Variants in MOK observed in about 807,000 individuals in gnomAD.
The protein encoded by MOK is MAPK/MAK/MRK overlapping kinase.
MOK carries 59 observed loss-of-function variants against 54.2 expected under a neutral mutation model. That is an observed-to-expected ratio of 1.09 (90% confidence interval 0.88 to 1.35). The LOEUF is 1.35. Among genes scored for constraint, MOK ranks in the 40% most tolerant of loss-of-function variants. The probability of loss-of-function intolerance (pLI) is 0.00; values close to 1 mark genes in which losing one functional copy is unlikely to be tolerated. For synonymous variants in MOK, 210 were observed against 202.7 expected (o/e 1.04, Z -0.31); for missense variants, 517 against 526.2 (o/e 0.98, Z 0.17).
chr14:102,214,602 C>T, the MOK span: 6 of 985,250 alleles, frequency 6.1e-6, no homozygotes, highest in Non-Finnish European at 7.2e-6. Flanking sequence ...TTTATCATTT[C>T]TGTATACTTG....
intron 7 of MOK, among the ~76,000 whole-genome samples, chr14:102,237,458 A>G (rs1479744779): frequency 1.3e-5 from 2 of 152,112 alleles, no homozygotes; most frequent in Non-Finnish European, 2.9e-5. Flanking sequence ...CCCTCCTCCA[A>G]AAGCGAAGTT....
rs1210338523 is a variant in MOK, at chr14:102,235,386, T to C, written c.591-1597A>G. The stretch of plus-strand genomic sequence containing the variant: ...TTACTTGGCATGATCTCTATATTAT[T>C]TTGTCTTCTACCCTCCTTCCGGAAG... On this transcript the variant is annotated intron_variant, in intron 7 of 11. Coordinates refer to ENST00000361847, the MANE Select transcript of MOK (RefSeq NM_014226.3). This position sits in a 1 kb window ranked among gnomAD's most constrained non-coding sequence, Gnocchi z 4.4. 1 of 152,260 alleles carries C rather than the reference T, an allele frequency of 6.6e-6. No individual in the cohort carries two copies. The highest frequency in any genetic ancestry group is 6.5e-5 in the Admixed American group (1 of 15,290). 9.4% of individuals were successfully genotyped at this position (152,260 alleles called of 1,614,324 possible). A position where few individuals can be genotyped will look rare whatever the true frequency, so the allele number is the denominator to read the frequency against.
rs946108941 is a variant in MOK, at chr14:102,236,022, G to T, written c.591-2233C>A. ...GCCTTGTTTTAAGTGTGGCAAAGAA[G>T]GCCACTGGGCATGGGTGTATCCTAA... is the stretch of plus-strand genomic sequence containing the variant. On this transcript the variant is annotated intron_variant, in intron 7 of 11. Transcript: ENST00000361847. This position sits in a 1 kb window ranked among gnomAD's most constrained non-coding sequence, Gnocchi z 4.5. 2.0e-5 allele frequency among the ~76,000 whole-genome samples: 3 copies of T among 152,168 alleles called. No individual in the cohort carries two copies. The highest frequency in any genetic ancestry group is 4.4e-5 in the Non-Finnish European group (3 of 68,038).
intron 1 of MOK, among the ~76,000 whole-genome samples, chr14:102,302,320 A>G (rs1597670159): frequency 6.7e-6 from 1 of 150,046 alleles, no homozygotes; most frequent in Non-Finnish European, 1.5e-5. Context: ...TGATCCACCC[A>G]CCTCAGCCTC....
At chr14:102,259,871 T>C (rs1476589378) in intron 4 of MOK, among the ~76,000 whole-genome samples, 1 of 151,842 alleles carries the variant, frequency 6.6e-6, no homozygotes, top group Non-Finnish European at 1.5e-5. Context: ...TGGTGAAACC[T>C]GTCTCTACTA....
intron 2 of MOK, among the ~76,000 whole-genome samples, chr14:102,279,876 C>T (rs376558918): frequency 1.3e-5 from 2 of 151,752 alleles, no homozygotes; most frequent in East Asian, 1.9e-4. Flanking sequence ...AAAAGCCATC[C>T]GTTTCTATTT....
At chr14:102,281,074 T>A (rs370708399) in intron 2 of MOK, among the ~76,000 whole-genome samples, 5 of 151,834 alleles carry the variant, frequency 3.3e-5, no homozygotes, top group African/African-American at 1.2e-4. Flanking sequence ...CTGTAATCCC[T>A]GCACTTTGGG....
rs1206784289 is a variant in MOK at position 102,229,328 on chromosome 14, C to T, written c.1221G>A (p.Gln407=). The change falls in exon 12 of 12, where the codon CAG becomes CAA. Residue 407 remains glutamine (Q), a synonymous_variant. Transcript: ENST00000361847. ...PQKDLKPAPQ[Q]CRLPTIVRKG... ...TCCGCACTATGGTGGGCAGGCGACA[C>T]TGCTGCGGGGCAGGCTTAAGGTCCT... is the stretch of plus-strand genomic sequence containing the variant. The T allele has an allele frequency of 6.2e-7, 1 of 1,613,664 alleles. No homozygotes were observed. Among genetic ancestry groups the T allele is most frequent in the Non-Finnish European group, 8.5e-7 (1 of 1,179,714 alleles).
At chr14:102,297,314 C>T (rs908888637) in intron 1 of MOK, among the ~76,000 whole-genome samples, 12 of 152,124 alleles carry the variant, frequency 7.9e-5, no homozygotes, top group Admixed American at 2.0e-4. Context: ...GCCAAGATTA[C>T]GTCACTGCAC....
At chr14:102,251,839 T>C in intron 5 of MOK, 35 bp from the exon 6 acceptor site, 3 of 1,543,778 alleles carry the variant, frequency 1.9e-6, no homozygotes, top group African/African-American at 2.7e-5. Context: ...AGAATTACAC[T>C]TCATTTATTC....
chr14:102,252,312 G>A (rs796827584), intron 4 of MOK, among the ~76,000 whole-genome samples: 54 of 152,052 alleles, frequency 3.6e-4, no homozygotes, highest in Admixed American at 1.1e-3. Context: ...AAAATTTGCC[G>A]GGTGTGGTGG....
At chr14:102,264,101 C>G (rs1597431521) in intron 3 of MOK, 2 of 153,836 alleles carry the variant, frequency 1.3e-5, no homozygotes, top group South Asian at 4.0e-4. Context: ...GTCCCAGCTG[C>G]TCGGGAGGCT....
intron 7 of MOK, 61 bp downstream of exon 7, chr14:102,250,751 C>T (rs1048746758): frequency 1.3e-5 from 20 of 1,516,232 alleles, no homozygotes; most frequent in South Asian, 4.8e-5. Context: ...GGAAGGAGCA[C>T]GAGCCTGGCT....
chr14:102,251,098 G>C, intron 6 of MOK, 108 bp from the exon 7 acceptor site: 2 of 1,215,060 alleles, frequency 1.6e-6, no homozygotes, highest in South Asian at 2.9e-5. Context: ...AGCATCTAAA[G>C]TAGTCTGTAA....
rs920046880 is a variant in MOK, at chr14:102,232,255, TAGA to T, written c.866+277_866+279del. 1 of 407,762 alleles carries T rather than the reference TAGA, an allele frequency of 2.5e-6. No individual in the cohort carries two copies. The highest frequency in any genetic ancestry group is 2.0e-5 in the African/African-American group (1 of 49,640). The allele number at this position is 407,762 out of a possible 1,614,324, so 25.3% of individuals were successfully genotyped here. On this transcript the variant is annotated intron_variant, in intron 9 of 11. Coordinates refer to ENST00000361847, the MANE Select transcript of MOK (RefSeq NM_014226.3). The surrounding 1 kb of genome is among the most constrained non-coding windows in gnomAD (Gnocchi z 5.1). ...ACAAGGGCCGCACACCAGGCTCTTC[TAGA>T]AGGATTACTACCTGTAGCCTTGGCA...
chr14:102,290,455 GAAAC>G lies in MOK; in HGVS notation c.8-6867_8-6864del, dbSNP rs1396401292. ...AACTCAGTCTCAAAAAAAAAAGAGA[GAAAC>G]AAACAAACAAAAAAAATAGTAAAAA... On this transcript the variant is annotated intron_variant, in intron 1 of 11. Transcript: ENST00000361847. Among the ~76,000 whole-genome samples, 8 of 151,820 alleles carry G rather than the reference GAAAC, an allele frequency of 5.3e-5. No individual in the cohort carries two copies. In the South Asian group the frequency reaches 1.0e-3, roughly 20 times the overall value.
At chr14:102,234,455 C>A (rs1327601527) in intron 7 of MOK, among the ~76,000 whole-genome samples, 2 of 152,166 alleles carry the variant, frequency 1.3e-5, no homozygotes, top group Non-Finnish European at 2.9e-5. Context: ...AAAGACCCAG[C>A]GCTGGGCCAA....
chr14:102,226,363 G>C, downstream of MOK: 1 of 703,196 alleles, frequency 1.4e-6, no homozygotes, highest in Non-Finnish European at 2.6e-6. This position sits in a 1 kb window ranked among gnomAD's most constrained non-coding sequence, Gnocchi z 4.8. Context: ...GTGTTTGAAT[G>C]GGGAGGAGGA....
At position 102,249,633 on chromosome 14, in the gene MOK, C is replaced by T. The variant is rs756842421; in HGVS notation, c.590+1179G>A. 4.6e-5 allele frequency among the ~76,000 whole-genome samples: 7 copies of T among 152,110 alleles called. No homozygotes were observed. The highest frequency in any genetic ancestry group is 7.4e-5 in the Non-Finnish European group (5 of 68,006). The stretch of plus-strand genomic sequence containing the variant: ...CTGAGGCAGGAGAATCGCTAGAACC[C>T]GGGAGGCGGAGGCTGCGGTGAGCCA... On this transcript the variant is annotated intron_variant, in intron 7 of 11. Transcript: ENST00000361847. The surrounding 1 kb of genome is among the most constrained non-coding windows in gnomAD (Gnocchi z 5.3).
Sources: gnomAD v4.1 joint callset for allele counts (sites outside exome capture counted in the v4.1 genomes callset) on GRCh38, gnomAD v4.1.1 for gene constraint, Gnocchi (gnomAD v3.1) non-coding constraint, MANE v1.5 for transcripts, NCBI Gene and HGNC (gene_info 2026-07-23, HGNC 2026-07-21) for gene names.